C10orf53: variants seen among roughly 807,000 people sequenced by gnomAD.
The protein encoded by C10orf53 is UPF0728 protein C10orf53.
Under a neutral mutation model 9.4 loss-of-function variants are expected in C10orf53, and 8 were observed. That is an observed-to-expected ratio of 0.85 (90% confidence interval 0.50 to 1.53). The LOEUF (loss-of-function observed/expected upper bound fraction) is 1.53. C10orf53 is among the 40% of genes most tolerant of loss of function. The pLI, the probability that C10orf53 is intolerant of heterozygous loss-of-function variation, is 0.00. For missense variants in C10orf53, 117 were observed against 117.8 expected (o/e 0.99, Z 0.03); for synonymous variants, 48 against 46.0 (o/e 1.04, Z -0.18).
chr10:49,692,233 A>G (rs1346007283), intron 1 of C10orf53, among the ~76,000 whole-genome samples: 1 of 152,246 alleles, frequency 6.6e-6, no homozygotes, highest in African/African-American at 2.4e-5. Context: ...AAATATGCCA[A>G]TGAAAAAGAT....
chr10:49,693,694 G>A, intron 1 of C10orf53, 80 bp from the exon 2 acceptor site: 1 of 1,489,958 alleles, frequency 6.7e-7, no homozygotes, highest in Non-Finnish European at 9.2e-7. Context: ...ACAAGCTACT[G>A]TCATCATGAG....
chr10:49,688,618 G>C (rs1027456694), intron 1 of C10orf53, among the ~76,000 whole-genome samples: 3 of 138,934 alleles, frequency 2.2e-5, no homozygotes, highest in Non-Finnish European at 4.6e-5. Flanking sequence ...TGGCCCCCCT[G>C]ATCTCACCCC....
At chr10:49,679,866 C>A in intron 1 of C10orf53, 72 bp downstream of exon 1, 1 of 1,354,574 alleles carries the variant, frequency 7.4e-7, no homozygotes, top group East Asian at 2.8e-5. Context: ...TGCCCTGTGC[C>A]TAGGCCTTCC....
In C10orf53 at chr10:49,695,886, C is replaced by T. The variant is rs1306617389; in HGVS notation, c.*1284C>T. ...TTTTCACATATCTTTTGTAACCCTACATTTAGTCCCTTTTTTTCAAAACCC... is the reference window on the plus strand; with the variant it reads ...TTTTCACATATCTTTTGTAACCCTATATTTAGTCCCTTTTTTTCAAAACCC... On this transcript the variant is annotated 3_prime_UTR_variant, in exon 3 of 3. Coordinates refer to ENST00000374111, the MANE Select transcript of C10orf53 (RefSeq NM_001042427.3). 6.6e-6 allele frequency: 1 copy of T among 152,152 alleles called. No homozygotes were observed. Among genetic ancestry groups the T allele is most frequent in the Non-Finnish European group, 1.5e-5 (1 of 68,008 alleles). The allele number at this position is 152,152 out of a possible 1,614,324, so 9.4% of individuals were successfully genotyped here. A position where few individuals can be genotyped will look rare whatever the true frequency, so the allele number is the denominator to read the frequency against.
At chr10:49,698,795 A>G (rs916809937), downstream of C10orf53, among the ~76,000 whole-genome samples, 1 of 152,144 alleles carries the variant, frequency 6.6e-6, no homozygotes, top group African/African-American at 2.4e-5. Context: ...AGGACGGGGC[A>G]CTGCACTTCT....
downstream of C10orf53, among the ~76,000 whole-genome samples, chr10:49,700,363 C>T (rs775916625): frequency 1.3e-5 from 2 of 152,328 alleles, no homozygotes; most frequent in East Asian, 1.9e-4. Flanking sequence ...CTGTAGGTAG[C>T]GGTGGGCATT....
chr10:49,708,847 TGAACTAC>T, exon 3 of C10orf53: 1 of 607,218 alleles, frequency 1.6e-6, no homozygotes, highest in Admixed American at 3.2e-5. Flanking sequence ...TTATGATCGA[TGAACTAC>T]TTACTCAATT....
In C10orf53 at chr10:49,697,065, C is replaced by A. The variant is rs1259789999; in HGVS notation, c.*2463C>A. Among the ~76,000 whole-genome samples, 1 of 152,112 alleles carries A rather than the reference C, an allele frequency of 6.6e-6. No homozygotes were observed. Among genetic ancestry groups the A allele is most frequent in the Non-Finnish European group, 1.5e-5 (1 of 68,006 alleles). On this transcript the variant is annotated 3_prime_UTR_variant, in exon 3 of 3. Transcript: ENST00000374111. Reference sequence around the variant, plus strand: ...AAAATTAGCCAGGCCTGGTGGCATGCACCTGTAGTCCCAGCTACTTGAGGG... The same window carrying A: ...AAAATTAGCCAGGCCTGGTGGCATGAACCTGTAGTCCCAGCTACTTGAGGG...
rs1840629647 is a variant in C10orf53 at position 49,695,828 on chromosome 10, A to G, written c.*1226A>G. On this transcript the variant is annotated 3_prime_UTR_variant, in exon 3 of 3. Transcript: ENST00000374111. Reference sequence around the variant, plus strand: ...CTCCTTACTGAGAAACTGAGGCTCAAAAGAGATTCTTCCTCCCAGTGTCTG... The same window carrying G: ...CTCCTTACTGAGAAACTGAGGCTCAGAAGAGATTCTTCCTCCCAGTGTCTG... The G allele has an allele frequency of 6.6e-6, 1 of 152,250 alleles. No homozygotes were observed. The highest frequency in any genetic ancestry group is 1.5e-5 in the Non-Finnish European group (1 of 68,050). The allele number at this position is 152,250 out of a possible 1,614,324, so 9.4% of individuals were successfully genotyped here.
At chr10:49,699,188 A>ATTTTTTTTTTTTT (rs1210027084), downstream of C10orf53, among the ~76,000 whole-genome samples, 3 of 47,782 alleles carry the variant, frequency 6.3e-5, no homozygotes, top group African/African-American at 1.8e-4. Flanking sequence ...TGGTGGCTCA[A>ATTTTTTTTTTTTT]TCTTTTTTTT....
At chr10:49,682,131 T>C (rs1564503068) in intron 1 of C10orf53, among the ~76,000 whole-genome samples, 1 of 152,218 alleles carries the variant, frequency 6.6e-6, no homozygotes, top group East Asian at 1.9e-4. Context: ...ATTTTAACCA[T>C]GTTAAGCATA....
At chr10:49,700,774 C>T (rs1840676397), downstream of C10orf53, among the ~76,000 whole-genome samples, 1 of 152,114 alleles carries the variant, frequency 6.6e-6, no homozygotes, top group African/African-American at 2.4e-5. Flanking sequence ...AGAGTCTCAC[C>T]CTGGAACCTG....
chr10:49,703,998 C>G (rs1214136749), intron 2 of C10orf53, among the ~76,000 whole-genome samples: 3 of 152,214 alleles, frequency 2.0e-5, no homozygotes, highest in Admixed American at 2.0e-4. Context: ...AATTGGACCA[C>G]CATCTGGAGG....
At chr10:49,694,175 T>C (rs1230113328) in intron 2 of C10orf53, 4 of 594,210 alleles carry the variant, frequency 6.7e-6, no homozygotes, top group Non-Finnish European at 1.2e-5. Context: ...AATTAAGGGA[T>C]AATAGGTTTT....
downstream of C10orf53, among the ~76,000 whole-genome samples, chr10:49,701,349 G>T (rs1485479142): frequency 6.6e-6 from 1 of 152,152 alleles, no homozygotes; most frequent in East Asian, 1.9e-4. Context: ...CTAAATGGGG[G>T]GAAACTAGGT....
At chr10:49,708,493 G>A (rs1840738520) in exon 3 of C10orf53, 17 of 1,614,018 alleles carry the variant, frequency 1.1e-5, no homozygotes, top group Non-Finnish European at 1.4e-5. Context: ...GACCTGACTT[G>A]TACTGTATTG....
downstream of C10orf53, among the ~76,000 whole-genome samples, chr10:49,697,673 TC>T (rs1407765196): frequency 6.6e-6 from 1 of 152,222 alleles, no homozygotes; most frequent in African/African-American, 2.4e-5. Flanking sequence ...TGCCTCAGCC[TC>T]CTGAACAGCT....
Position 49,706,602 on chromosome 10 carries a change from G to A in C10orf53, c.218-1759G>A, listed in dbSNP as rs116889498. On this transcript the variant is annotated intron_variant, in intron 2 of 2. Transcript: ENST00000374112. The stretch of plus-strand genomic sequence containing the variant: ...TGAGAAGATGATGGCTAAAGAATAA[G>A]GTGTTTCTTTTTTTTTTAACATGAT... 7.0e-3 allele frequency among the ~76,000 whole-genome samples: 1,072 copies of A among 152,212 alleles called. 9 individuals carry two copies. The highest frequency in any genetic ancestry group is 0.01 in the Middle Eastern group (3 of 294).
intron 2 of C10orf53, among the ~76,000 whole-genome samples, chr10:49,705,723 T>C (rs1840718230): frequency 6.6e-6 from 1 of 152,052 alleles, no homozygotes. Context: ...ATTTGGCAAA[T>C]GTTTCTTATA....
Sources: gnomAD v4.1 joint callset for allele counts (sites outside exome capture counted in the v4.1 genomes callset) on GRCh38, gnomAD v4.1.1 for gene constraint, MANE v1.5 for transcripts, NCBI Gene and HGNC (gene_info 2026-07-23, HGNC 2026-07-21) for gene names.